The following NUDT3 variants were observed in gnomAD, a reference collection of about 807,000 sequenced individuals.
NUDT3 encodes the protein nudix hydrolase 3, also known as diphosphoinositol polyphosphate phosphohydrolase 1.
In NUDT3, 9 loss-of-function variants were observed where a neutral mutation model predicts 23.6. The observed-to-expected ratio is 0.38, with a 90% CI of 0.23 to 0.66. NUDT3 has a LOEUF of 0.66. Ranked by LOEUF, NUDT3 falls within the 30% of genes least tolerant of loss-of-function variation. The pLI, the probability that NUDT3 is intolerant of heterozygous loss-of-function variation, is 0.52. For synonymous variants in NUDT3, 86 were observed against 82.6 expected (o/e 1.04, Z -0.22); for missense variants, 172 against 218.5 (o/e 0.79, Z 1.34).
chr6:34,297,751 A>G (rs1763531872), intron 2 of NUDT3, among the ~76,000 whole-genome samples: 4 of 99,780 alleles, frequency 4.0e-5, no homozygotes, highest in Admixed American at 1.1e-4. Context: ...ATATATATAT[A>G]TATATATAAT....
intron 1 of NUDT3, among the ~76,000 whole-genome samples, chr6:34,387,673 T>TAA (rs752125676): frequency 6.5e-4 from 64 of 98,682 alleles, no homozygotes; most frequent in South Asian, 3.1e-3. Context: ...CATCTCTTTT[T>TAA]AAAAAAAAAA....
rs984745716 is a variant in NUDT3, at chr6:34,285,587, GAATT to G, written c.*3162_*3165del. 2.0e-5 allele frequency: 3 copies of G among 152,326 alleles called. No individual in the cohort carries two copies. Among genetic ancestry groups the G allele is most frequent in the Non-Finnish European group, 4.4e-5 (3 of 68,032 alleles). The allele number at this position is 152,326 out of a possible 1,614,324, so 9.4% of individuals were successfully genotyped here. A position where few individuals can be genotyped will look rare whatever the true frequency, so the allele number is the denominator to read the frequency against. On this transcript the variant is annotated 3_prime_UTR_variant, in exon 5 of 5. Coordinates refer to ENST00000607016, the MANE Select transcript of NUDT3 (RefSeq NM_006703.4). The stretch of plus-strand genomic sequence containing the variant: ...AGCCTGAATGAGGTCAGCTCTGGTA[GAATT>G]AATGACAAATCAATGTCAGTGAAAT...
intron 2 of NUDT3, among the ~76,000 whole-genome samples, chr6:34,318,130 T>C (rs900182854): frequency 7.2e-5 from 11 of 152,110 alleles, no homozygotes; most frequent in Non-Finnish European, 1.5e-4. Context: ...GAAGACAATA[T>C]AGAACGGAAT....
intron 2 of NUDT3, among the ~76,000 whole-genome samples, chr6:34,341,485 A>G (rs949762353): frequency 2.6e-5 from 4 of 152,230 alleles, no homozygotes; most frequent in African/African-American, 9.6e-5. Flanking sequence ...GCACAGGAAA[A>G]CAAGGGCCTC....
chr6:34,304,026 G>A (rs1256342153), intron 2 of NUDT3, among the ~76,000 whole-genome samples: 1 of 152,178 alleles, frequency 6.6e-6, no homozygotes, highest in African/African-American at 2.4e-5. Context: ...GCCGAGGCAG[G>A]TGGATTACCA....
chr6:34,371,675 G>A (rs568042265), intron 1 of NUDT3, among the ~76,000 whole-genome samples: 2 of 152,254 alleles, frequency 1.3e-5, no homozygotes, highest in East Asian at 3.9e-4. Flanking sequence ...AATGAGCACT[G>A]GGGAAATAGA....
chr6:34,321,075 C>A (rs1172783259), intron 2 of NUDT3, among the ~76,000 whole-genome samples: 1 of 152,010 alleles, frequency 6.6e-6, no homozygotes, highest in African/African-American at 2.4e-5. Context: ...TGTGTGGGGT[C>A]CTGGAAAGCA....
chr6:34,296,853 C>T (rs1404549327), intron 2 of NUDT3, among the ~76,000 whole-genome samples: 2 of 151,370 alleles, frequency 1.3e-5, no homozygotes, highest in African/African-American at 4.9e-5. Flanking sequence ...AATTCTGCTA[C>T]GGGTAAGTAT....
At chr6:34,386,640 T>C (rs191079396) in intron 1 of NUDT3, among the ~76,000 whole-genome samples, 41 of 152,248 alleles carry the variant, frequency 2.7e-4, no homozygotes, top group East Asian at 1.3e-3. Context: ...CCTTCTAATA[T>C]AGTCATGGAC....
chr6:34,346,808 C>T (rs546789452), intron 1 of NUDT3, among the ~76,000 whole-genome samples: 109 of 152,222 alleles, frequency 7.2e-4, no homozygotes, highest in Non-Finnish European at 1.3e-3. Flanking sequence ...CAGGCTGAAG[C>T]GCCGTGGCAG....
In NUDT3 at chr6:34,314,759, C is replaced by T. The variant is rs545538794; in HGVS notation, c.211-19074G>A. Among the ~76,000 whole-genome samples, 7 of 152,202 alleles carry T rather than the reference C, an allele frequency of 4.6e-5. No homozygotes were observed. In the South Asian group the frequency reaches 1.5e-3, roughly 32 times the overall value. On this transcript the variant is annotated intron_variant, in intron 2 of 4. Coordinates refer to ENST00000607016, the MANE Select transcript of NUDT3 (RefSeq NM_006703.4). Reference sequence around the variant, plus strand: ...TCCTGAGGGTTCAGGTCATAAGTCACTGTGTGATTCGGGGCAAATTAGTCT... The same window carrying T: ...TCCTGAGGGTTCAGGTCATAAGTCATTGTGTGATTCGGGGCAAATTAGTCT...
At chr6:34,385,715 A>T in intron 1 of NUDT3, among the ~76,000 whole-genome samples, 1 of 144,548 alleles carries the variant, frequency 6.9e-6, no homozygotes. Context: ...ACAGACTCTT[A>T]CTCTGTCACC....
chr6:34,377,046 C>T (rs1764936326), intron 1 of NUDT3, among the ~76,000 whole-genome samples: 1 of 152,118 alleles, frequency 6.6e-6, no homozygotes, highest in Non-Finnish European at 1.5e-5. Flanking sequence ...CTTCTTAGAG[C>T]CCAAGACTGA....
chr6:34,294,657 C>T (rs1000097815), intron 3 of NUDT3, among the ~76,000 whole-genome samples: 1 of 150,062 alleles, frequency 6.7e-6, no homozygotes, highest in Non-Finnish European at 1.5e-5. Context: ...ACCTGGGAGG[C>T]GGAGGTTGTG....
chr6:34,385,114 T>G lies in NUDT3; in HGVS notation c.99+7150A>C, dbSNP rs548154732. Among the ~76,000 whole-genome samples the G allele has an allele frequency of 4.0e-5, 6 of 151,838 alleles. No individual in the cohort carries two copies. In the South Asian group the frequency reaches 1.2e-3, roughly 32 times the overall value. On this transcript the variant is annotated intron_variant, in intron 1 of 4. Coordinates refer to ENST00000607016, the MANE Select transcript of NUDT3 (RefSeq NM_006703.4). ...AATATACATTTATATATACATACTT[T>G]ATATATTACTAATTATATATTATGT...
chr6:34,369,070 T>C (rs206922), intron 1 of NUDT3, among the ~76,000 whole-genome samples: 13,619 of 152,302 alleles, frequency 0.089, 741 homozygotes, highest in Non-Finnish European at 0.12. Context: ...ATTGGGTACC[T>C]GTAATAGACC....
At position 34,307,689 on chromosome 6, in the gene NUDT3, C is replaced by T. The variant is rs1446868803; in HGVS notation, c.211-12004G>A. On this transcript the variant is annotated intron_variant, in intron 2 of 4. Coordinates refer to ENST00000607016, the MANE Select transcript of NUDT3 (RefSeq NM_006703.4). ...GAGAAAAATGAAATAATATAAGATG[C>T]TCAATTAAAACCACAAAAGGCAGAG... 6.6e-5 allele frequency among the ~76,000 whole-genome samples: 10 copies of T among 151,998 alleles called. No individual in the cohort carries two copies. The East Asian group carries it at 1.7e-3, about 26-fold the overall frequency.
rs190352945 is a variant in NUDT3, at chr6:34,365,640, T to C, written c.100-23668A>G. 7.2e-5 allele frequency among the ~76,000 whole-genome samples: 11 copies of C among 152,272 alleles called. No individual in the cohort carries two copies. The East Asian group carries it at 1.9e-3, about 27-fold the overall frequency. ...TTGAGATAGAAAGCAGAATGGGGCA[T>C]AGTGGCTCATGTCTGTATTCCCAGC... On this transcript the variant is annotated intron_variant, in intron 1 of 4. Coordinates refer to ENST00000607016, the MANE Select transcript of NUDT3 (RefSeq NM_006703.4).
At chr6:34,378,865 C>T (rs1260093498) in intron 1 of NUDT3, among the ~76,000 whole-genome samples, 2 of 152,218 alleles carry the variant, frequency 1.3e-5, no homozygotes, top group Non-Finnish European at 2.9e-5. Flanking sequence ...TCAATACACT[C>T]CGCATCCCTG....
Sources: allele counts gnomAD v4.1 joint callset (sites outside exome capture counted in the v4.1 genomes callset), GRCh38; gene constraint gnomAD v4.1.1; transcripts MANE v1.5; gene names NCBI Gene and HGNC (gene_info 2026-07-23, HGNC 2026-07-21).